CCDC15: variants seen among roughly 807,000 people sequenced by gnomAD.
CCDC15 encodes the protein coiled-coil domain containing 15.
CCDC15 carries 105 observed loss-of-function variants against 114.5 expected under a neutral mutation model. The ratio of observed to expected loss-of-function variants is 0.92; its 90% confidence interval spans 0.78 to 1.08. The LOEUF (loss-of-function observed/expected upper bound fraction) is 1.08. Ranked by LOEUF, CCDC15 falls within the 50% of genes least tolerant of loss-of-function variation. The pLI, the probability that CCDC15 is intolerant of heterozygous loss-of-function variation, is 0.00. For synonymous variants in CCDC15, 334 were observed against 377.8 expected, an observed-to-expected ratio of 0.88 and a Z score of 1.34; for missense variants, 1,105 against 1,093.6, an observed-to-expected ratio of 1.01 and a Z score of -0.15.
chr11:125,039,989 T>C (rs115298471), intron 15 of CCDC15, among the ~76,000 whole-genome samples: 3,468 of 152,282 alleles, frequency 0.023, 150 homozygotes, highest in African/African-American at 0.078. Flanking sequence ...TAGGTAGTTG[T>C]GCATTCATTC....
chr11:125,039,674 G>A (rs546657907), intron 15 of CCDC15: 1 of 152,190 alleles, frequency 6.6e-6, no homozygotes, highest in East Asian at 1.9e-4. Context: ...TGCTTCATCT[G>A]TATAATACAA....
At chr11:125,035,918 T>G (rs1409637564) in intron 13 of CCDC15, among the ~76,000 whole-genome samples, 2 of 152,150 alleles carry the variant, frequency 1.3e-5, no homozygotes, top group Non-Finnish European at 2.9e-5. Flanking sequence ...TTGTTTCTAC[T>G]TATATTTTAT....
At chr11:124,993,082 C>G (rs549329325) in intron 10 of CCDC15, 87 bp from the exon 11 acceptor site, 1 of 785,152 alleles carries the variant, frequency 1.3e-6, no homozygotes, top group East Asian at 2.7e-5. Context: ...TGTCATTACT[C>G]TGGGATTGTC....
At chr11:124,989,097 C>T (rs551257086) in intron 8 of CCDC15, among the ~76,000 whole-genome samples, 10 of 152,068 alleles carry the variant, frequency 6.6e-5, no homozygotes, top group Non-Finnish European at 1.2e-4. Flanking sequence ...AATTGCTGTC[C>T]GTGACAGAAA....
At chr11:124,987,083 C>T in intron 7 of CCDC15, 44 bp from the exon 8 acceptor site, 2 of 1,442,680 alleles carry the variant, frequency 1.4e-6, no homozygotes, top group South Asian at 3.1e-5. Flanking sequence ...TAGAGTATTG[C>T]TACTAACTCA....
At chr11:124,962,461 A>T (rs1416888218) in intron 4 of CCDC15, among the ~76,000 whole-genome samples, 2 of 152,220 alleles carry the variant, frequency 1.3e-5, no homozygotes, top group African/African-American at 2.4e-5. Flanking sequence ...ATGAAGCAAG[A>T]TTGGCTAGGA....
At chr11:125,026,468 A>C (rs972730799) in intron 13 of CCDC15, among the ~76,000 whole-genome samples, 2 of 152,054 alleles carry the variant, frequency 1.3e-5, no homozygotes, top group Non-Finnish European at 2.9e-5. Context: ...TGTCTTTCCT[A>C]CCCTCTTCAG....
At chr11:124,986,715 G>GT in intron 6 of CCDC15, 27 bp from the exon 7 acceptor site, 1 of 1,519,206 alleles carries the variant, frequency 6.6e-7, no homozygotes, top group Non-Finnish European at 8.8e-7. Flanking sequence ...GCGCGCGCGT[G>GT]CGCGTTTTCA....
chr11:124,978,893 T>C (rs778507842), intron 6 of CCDC15, among the ~76,000 whole-genome samples: 5 of 152,174 alleles, frequency 3.3e-5, no homozygotes, highest in Admixed American at 6.5e-5. Flanking sequence ...CAGATTGATA[T>C]TTCCTATGTT....
intron 11 of CCDC15, 84 bp downstream of exon 11, chr11:124,993,327 G>T: frequency 2.2e-6 from 2 of 921,748 alleles, no homozygotes; most frequent in Admixed American, 2.2e-5. Flanking sequence ...AGTGTAAATT[G>T]CTTTTTTTTT....
Position 124,959,948 on chromosome 11 carries a change from A to G in CCDC15, c.461A>G (p.Asp154Gly). ...SRLPPSLMPG[D>G]GIEDEENQNE... The stretch of plus-strand genomic sequence containing the variant: ...TTACCTCCTTCCCTGATGCCTGGGG[A>G]TGGAATAGAGGATGAAGAGAATCAG... Residue 154 changes from aspartate (D) to glycine (G), a missense_variant, in exon 4 of 16, where the codon GAT becomes GGT. Transcript: ENST00000344762. 6.3e-7 allele frequency: 1 copy of G among 1,584,784 alleles called. No homozygotes were observed. Among genetic ancestry groups the G allele is most frequent in the East Asian group, 2.3e-5 (1 of 44,204 alleles).
At chr11:124,981,588 T>C (rs1948073125) in intron 6 of CCDC15, among the ~76,000 whole-genome samples, 1 of 152,068 alleles carries the variant, frequency 6.6e-6, no homozygotes, top group Non-Finnish European at 1.5e-5. Flanking sequence ...TCTTTAATAT[T>C]GTCAGGGGGC....
intron 4 of CCDC15, among the ~76,000 whole-genome samples, chr11:124,968,074 C>T (rs189167763): frequency 6.6e-6 from 1 of 152,212 alleles, no homozygotes; most frequent in African/African-American, 2.4e-5. Context: ...TCGGTCCCTA[C>T]TGGGAGGTGT....
rs768492332 is a variant in CCDC15 at position 125,039,057 on chromosome 11, A to G, written c.2722A>G (p.Lys908Glu). ...CTGTGCCAACAACTGTATTTTCTAT[A>G]AAAACCACAGAGGTAAGTTTCTTGA... ...DTCANNCIFY[K>E]NHRAYTRALH... Residue 908 changes from lysine (K) to glutamate (E), a missense_variant, in exon 15 of 16, where the codon AAA becomes GAA. Physicochemically the swap from Lys to Glu is moderately conservative, Grantham distance 56. Coordinates refer to ENST00000344762, the MANE Select transcript of CCDC15 (RefSeq NM_025004.3). 3.1e-6 allele frequency: 5 copies of G among 1,596,120 alleles called. No individual in the cohort carries two copies. The South Asian group carries it at 5.6e-5, about 18-fold the overall frequency.
At chr11:124,968,381 C>G (rs547515675) in intron 4 of CCDC15, among the ~76,000 whole-genome samples, 1 of 152,338 alleles carries the variant, frequency 6.6e-6, no homozygotes, top group South Asian at 2.1e-4. Flanking sequence ...CCTCCTCCAG[C>G]CAGGCTGCTG....
In CCDC15 at chr11:124,991,648, G is replaced by A; in HGVS notation, c.2031+65G>A. 2.2e-6 allele frequency: 3 copies of A among 1,378,810 alleles called. No homozygotes were observed. The Admixed American group carries it at 7.2e-5, about 33-fold the overall frequency. 85.4% of individuals were successfully genotyped at this position (1,378,810 alleles called of 1,614,324 possible). A position where few individuals can be genotyped will look rare whatever the true frequency, so the allele number is the denominator to read the frequency against. On this transcript the variant is annotated intron_variant, in intron 9 of 15. Coordinates refer to ENST00000344762, the MANE Select transcript of CCDC15 (RefSeq NM_025004.3). Reference sequence around the variant, plus strand: ...CCAGGTTTTATAAATCCCAACAACTGGTAATTTAGAATGAGGGATTTTGGA... The same window carrying A: ...CCAGGTTTTATAAATCCCAACAACTAGTAATTTAGAATGAGGGATTTTGGA...
chr11:124,984,489 G>C (rs1948124831), intron 6 of CCDC15, among the ~76,000 whole-genome samples: 1 of 152,148 alleles, frequency 6.6e-6, no homozygotes, highest in Admixed American at 6.5e-5. Context: ...CAGTTCCCCT[G>C]TGGCTAATGT....
intron 13 of CCDC15, among the ~76,000 whole-genome samples, chr11:125,009,671 T>G (rs1462360081): frequency 6.6e-6 from 1 of 152,096 alleles, no homozygotes; most frequent in Non-Finnish European, 1.5e-5. Context: ...CTCCCTCTAG[T>G]AGTCTTCAGT....
Position 125,040,109 on chromosome 11 carries a change from G to A in CCDC15, c.2735-481G>A, listed in dbSNP as rs370698335. Among the ~76,000 whole-genome samples the A allele has an allele frequency of 2.0e-4, 31 of 151,570 alleles. No homozygotes were observed. In the East Asian group the frequency reaches 5.2e-3, roughly 26 times the overall value. On this transcript the variant is annotated intron_variant, in intron 15 of 15. Coordinates refer to ENST00000344762, the MANE Select transcript of CCDC15 (RefSeq NM_025004.3). Reference sequence around the variant, plus strand: ...CGCCCAGGCCAGAGTGCAGTGGCACGATCTCGGCTCACTGCAACCTCTGCC... The same window carrying A: ...CGCCCAGGCCAGAGTGCAGTGGCACAATCTCGGCTCACTGCAACCTCTGCC...
Sources: allele counts gnomAD v4.1 joint callset (sites outside exome capture counted in the v4.1 genomes callset), GRCh38; gene constraint gnomAD v4.1.1; transcripts MANE v1.5; gene names NCBI Gene and HGNC (gene_info 2026-07-23, HGNC 2026-07-21).